The following SNX29 variants were observed in gnomAD, a reference collection of about 807,000 sequenced individuals.
SNX29 encodes the protein sorting nexin 29.
In SNX29, 78 loss-of-function variants were observed where a neutral mutation model predicts 102.1. The ratio of observed to expected loss-of-function variants is 0.76; its 90% confidence interval spans 0.64 to 0.92. SNX29 has a LOEUF of 0.92. Among genes scored for constraint, SNX29 ranks in the 40% least tolerant of loss-of-function variants. The pLI is 0.00. For synonymous variants in SNX29, 580 were observed against 414.5 expected (o/e 1.40, Z -4.85); for missense variants, 1,280 against 1,061.7 (o/e 1.21, Z -2.86).
At chr16:12,403,010 G>C (rs764132691) in intron 17 of SNX29, among the ~76,000 whole-genome samples, 6 of 152,200 alleles carry the variant, frequency 3.9e-5, no homozygotes, top group Non-Finnish European at 8.8e-5. Context: ...TGAGGAGGCA[G>C]CGTGACTGCT....
At chr16:12,300,592 A>G (rs1287320910) in intron 15 of SNX29, among the ~76,000 whole-genome samples, 3 of 152,236 alleles carry the variant, frequency 2.0e-5, no homozygotes, top group African/African-American at 7.2e-5. Flanking sequence ...CAGCTAAAAA[A>G]AGAATGATGA....
At chr16:12,231,822 A>C (rs1164886216) in intron 14 of SNX29, among the ~76,000 whole-genome samples, 1 of 152,242 alleles carries the variant, frequency 6.6e-6, no homozygotes, top group African/African-American at 2.4e-5. Flanking sequence ...CCAGTAGGCA[A>C]AAACCTAGCT....
intron 18 of SNX29, among the ~76,000 whole-genome samples, chr16:12,469,221 G>GT (rs2087220478): frequency 6.6e-6 from 1 of 152,184 alleles, no homozygotes; most frequent in South Asian, 2.1e-4. Context: ...CTGAAAAGTC[G>GT]TTTTTCTTGG....
At chr16:12,336,302 G>C (rs2081447533) in intron 15 of SNX29, among the ~76,000 whole-genome samples, 1 of 152,180 alleles carries the variant, frequency 6.6e-6, no homozygotes, top group African/African-American at 2.4e-5. Flanking sequence ...TCAGCATCCT[G>C]CGTTGACACA....
At chr16:12,483,114 G>GTTTTTGTTTTTTTTTTTTTTTTTTTTTTT (rs71139598) in intron 19 of SNX29, among the ~76,000 whole-genome samples, 1 of 66,196 alleles carries the variant, frequency 1.5e-5, no homozygotes, top group Non-Finnish European at 2.8e-5. Flanking sequence ...AAGTTATTAA[G>GTTTTTGTTTTTTTTTTTTTTTTTTTTTTT]TTTTTTTTTT....
intron 18 of SNX29, among the ~76,000 whole-genome samples, chr16:12,432,102 A>G (rs2085339874): frequency 6.6e-6 from 1 of 152,188 alleles, no homozygotes; most frequent in Non-Finnish European, 1.5e-5. Context: ...GGTGGAGGGG[A>G]CGAGGACACA....
intron 15 of SNX29, among the ~76,000 whole-genome samples, chr16:12,336,145 C>T (rs2081442395): frequency 6.6e-6 from 1 of 151,884 alleles, no homozygotes; most frequent in Non-Finnish European, 1.5e-5. Flanking sequence ...TCACCACAGA[C>T]CCAGAGACAT....
chr16:12,075,272 G>A (rs2051497624), intron 10 of SNX29, among the ~76,000 whole-genome samples: 1 of 152,148 alleles, frequency 6.6e-6, no homozygotes, highest in South Asian at 2.1e-4. Flanking sequence ...TTTCTGCTCT[G>A]TTTTTTCCCC....
At chr16:12,380,405 ACCCACCCACCCACC>A (rs2083039379) in intron 16 of SNX29, among the ~76,000 whole-genome samples, 1 of 68,156 alleles carries the variant, frequency 1.5e-5, no homozygotes, top group Admixed American at 1.8e-4. Context: ...TCATCCATCC[ACCCACCCACCCACC>A]CCTCATCCAT....
chr16:12,024,076 G>A (rs1260993284), intron 3 of SNX29, among the ~76,000 whole-genome samples: 2 of 151,950 alleles, frequency 1.3e-5, no homozygotes, highest in African/African-American at 2.4e-5. Flanking sequence ...GTACAAAGAA[G>A]CTCAGAATGA....
At chr16:12,554,054 G>A (rs992833625) in intron 20 of SNX29, among the ~76,000 whole-genome samples, 2 of 152,158 alleles carry the variant, frequency 1.3e-5, no homozygotes, top group South Asian at 2.1e-4. Flanking sequence ...TGTAAATCCT[G>A]ACCTCAAATG....
At position 12,518,051 on chromosome 16, in the gene SNX29, G is replaced by A. The variant is rs528116490; in HGVS notation, c.2179-6651G>A. On this transcript the variant is annotated intron_variant, in intron 19 of 20. Transcript: ENST00000566228. Reference sequence around the variant, plus strand: ...AAGAGAGGTTAGCAAGGCGTGCTGCGGCCACGCGGCAAGGTTCCCATGAGC... The same window carrying A: ...AAGAGAGGTTAGCAAGGCGTGCTGCAGCCACGCGGCAAGGTTCCCATGAGC... 5.9e-5 allele frequency among the ~76,000 whole-genome samples: 9 copies of A among 152,312 alleles called. No individual in the cohort carries two copies. In the South Asian group the frequency reaches 1.7e-3, roughly 28 times the overall value.
intron 19 of SNX29, among the ~76,000 whole-genome samples, chr16:12,481,487 T>C (rs2087920319): frequency 6.7e-6 from 1 of 149,160 alleles, no homozygotes. Context: ...CACACATATA[T>C]ATACACATAT....
chr16:12,276,079 G>C (rs1034186716), intron 14 of SNX29, among the ~76,000 whole-genome samples: 1 of 151,896 alleles, frequency 6.6e-6, no homozygotes, highest in Non-Finnish European at 1.5e-5. Flanking sequence ...TTTTAGTAGA[G>C]ACAGGGTTTC....
intron 14 of SNX29, among the ~76,000 whole-genome samples, chr16:12,236,907 C>T (rs2077951591): frequency 6.6e-6 from 1 of 152,194 alleles, no homozygotes; most frequent in East Asian, 1.9e-4. Context: ...TGAAGGTCAG[C>T]AAGTCGGTGC....
At chr16:12,526,794 G>T (rs1371947042) in intron 20 of SNX29, 6 of 417,670 alleles carry the variant, frequency 1.4e-5, no homozygotes, top group Non-Finnish European at 2.7e-5. Context: ...CCCCTGCGGG[G>T]TCCACAGCCC....
intron 19 of SNX29, among the ~76,000 whole-genome samples, chr16:12,513,602 T>C (rs1192923728): frequency 6.6e-6 from 1 of 152,192 alleles, no homozygotes; most frequent in Non-Finnish European, 1.5e-5. Context: ...TGTTCCAGCC[T>C]CTCAGCCACG....
intron 15 of SNX29, among the ~76,000 whole-genome samples, chr16:12,343,232 G>A (rs899454037): frequency 9.2e-5 from 14 of 152,308 alleles, no homozygotes; most frequent in South Asian, 8.3e-4. Context: ...TTATGTGAAA[G>A]CCTGTGCTTT....
rs77056874 is a variant in SNX29 at position 12,563,513 on chromosome 16, C to T, written c.2319-4993C>T. On this transcript the variant is annotated intron_variant, in intron 20 of 20. Transcript: ENST00000566228. Reference sequence around the variant, plus strand: ...CTATTAAAACGGGGAGACTCCTCCCCGCATGTGAAAAATTGAGTTGTCTCC... The same window carrying T: ...CTATTAAAACGGGGAGACTCCTCCCTGCATGTGAAAAATTGAGTTGTCTCC... Among the ~76,000 whole-genome samples, 235 of 152,258 alleles carry T rather than the reference C, an allele frequency of 1.5e-3. 1 individual carries two copies. The highest frequency in any genetic ancestry group is 3.1e-3 in the African/African-American group (127 of 41,536).
Sources: gnomAD v4.1 joint callset for allele counts (sites outside exome capture counted in the v4.1 genomes callset) on GRCh38, gnomAD v4.1.1 for gene constraint, MANE v1.5 for transcripts, NCBI Gene and HGNC (gene_info 2026-07-23, HGNC 2026-07-21) for gene names.